The following GRIA2 variants were observed in gnomAD, a reference collection of about 807,000 sequenced individuals.
GRIA2 encodes the protein glutamate ionotropic receptor AMPA type subunit 2.
GRIA2 carries 14 observed loss-of-function variants against 97.3 expected under a neutral mutation model. The ratio of observed to expected loss-of-function variants is 0.14; its 90% confidence interval spans 0.10 to 0.23. The LOEUF (loss-of-function observed/expected upper bound fraction) is 0.23. Among genes scored for constraint, GRIA2 ranks in the 10% least tolerant of loss-of-function variants. The pLI, the probability that GRIA2 is intolerant of heterozygous loss-of-function variation, is 1.00. For synonymous variants in GRIA2, 412 were observed against 387.8 expected, an observed-to-expected ratio of 1.06 and a Z score of -0.73; for missense variants, 558 against 1,069.8, an observed-to-expected ratio of 0.52 and a Z score of 6.67.
intron 4 of GRIA2, 36 bp downstream of exon 4, chr4:157,312,911 T>A: frequency 1.6e-6 from 2 of 1,223,162 alleles, no homozygotes; most frequent in Non-Finnish European, 2.3e-6. Context: ...ATGCCAGATA[T>A]AGAATATGCA....
At chr4:157,317,597 C>A (rs1034217293) in intron 4 of GRIA2, 61 bp from the exon 5 acceptor site, 13 of 675,278 alleles carry the variant, frequency 1.9e-5, no homozygotes, top group East Asian at 3.0e-5. Flanking sequence ...ATCATAATAC[C>A]ATTAATTTTA....
intron 2 of GRIA2, among the ~76,000 whole-genome samples, chr4:157,285,459 C>T (rs1476992543): frequency 1.3e-5 from 2 of 151,246 alleles, no homozygotes; most frequent in Admixed American, 6.6e-5. Flanking sequence ...CTTACACTAC[C>T]TTTTCCTATA....
intron 2 of GRIA2, among the ~76,000 whole-genome samples, chr4:157,244,648 A>T (rs761000791): frequency 2.4e-4 from 36 of 152,018 alleles, no homozygotes; most frequent in Non-Finnish European, 3.7e-4. Flanking sequence ...GTCCTATATA[A>T]AAGAGGCTAC....
At chr4:157,263,801 T>C (rs1332225503) in intron 2 of GRIA2, among the ~76,000 whole-genome samples, 5 of 152,096 alleles carry the variant, frequency 3.3e-5, no homozygotes, top group Non-Finnish European at 5.9e-5. Flanking sequence ...GTCAGGAAGA[T>C]GAAGTTCTCT....
At chr4:157,352,499 C>T (rs866054771) in intron 12 of GRIA2, among the ~76,000 whole-genome samples, 5 of 151,526 alleles carry the variant, frequency 3.3e-5, no homozygotes, top group Admixed American at 1.3e-4. Flanking sequence ...AGGTGGATCA[C>T]GAGGTCAGGA....
chr4:157,340,339 G>A (rs545709183), intron 11 of GRIA2, among the ~76,000 whole-genome samples: 1 of 151,924 alleles, frequency 6.6e-6, no homozygotes, highest in South Asian at 2.1e-4. Context: ...ACTTAGTTAC[G>A]TGCAGAATCC....
At position 157,248,593 on chromosome 4, in the gene GRIA2, G is replaced by T. The variant is rs13114060; in HGVS notation, c.229+26786G>T. ...TGTGTATATATATACGTGTATATAT[G>T]TATATATATGTATATATACATGTAT... On this transcript the variant is annotated intron_variant, in intron 2 of 15. Coordinates refer to ENST00000264426, the MANE Select transcript of GRIA2 (RefSeq NM_001083619.3). Among the ~76,000 whole-genome samples, 15 of 2,676 alleles carry T rather than the reference G, an allele frequency of 5.6e-3. 1 individual carries two copies. The highest frequency in any genetic ancestry group is 0.012 in the African/African-American group (15 of 1,224). The allele number at this position is 2,676 out of a possible 152,430, so 1.8% of individuals were successfully genotyped here.
At chr4:157,222,228 T>C (rs1729531360) in intron 2 of GRIA2, among the ~76,000 whole-genome samples, 1 of 151,876 alleles carries the variant, frequency 6.6e-6, no homozygotes, top group Admixed American at 6.6e-5. Flanking sequence ...GTTGGACAAA[T>C]CCCACGAGGG....
chr4:157,304,345 A>G (rs1291895494), intron 3 of GRIA2, among the ~76,000 whole-genome samples: 2 of 152,162 alleles, frequency 1.3e-5, no homozygotes, highest in Non-Finnish European at 2.9e-5. Flanking sequence ...ACACCATTCC[A>G]CATAATTGTT....
intron 6 of GRIA2, among the ~76,000 whole-genome samples, chr4:157,327,140 TG>T (rs1734839110): frequency 6.6e-6 from 1 of 152,170 alleles, no homozygotes; most frequent in African/African-American, 2.4e-5. Flanking sequence ...GAGATATTTG[TG>T]GGTTAGAAAT....
rs548223072 is a variant in GRIA2, at chr4:157,236,815, C to T, written c.229+15008C>T. Among the ~76,000 whole-genome samples the T allele has an allele frequency of 6.6e-5, 10 of 152,024 alleles. No individual in the cohort carries two copies. The East Asian group carries it at 1.5e-3, about 24-fold the overall frequency. On this transcript the variant is annotated intron_variant, in intron 2 of 15. Coordinates refer to ENST00000264426, the MANE Select transcript of GRIA2 (RefSeq NM_001083619.3). ...AAACACACCTGTTCATTCCTTTGCC[C>T]GATTTTCTTTTGGGTTGTTGGTCTA...
chr4:157,283,473 TATAA>T (rs1438685994), intron 2 of GRIA2, among the ~76,000 whole-genome samples: 1 of 152,024 alleles, frequency 6.6e-6, no homozygotes, highest in Non-Finnish European at 1.5e-5. Flanking sequence ...ATGTAGGAAT[TATAA>T]ATATAGTAAT....
intron 2 of GRIA2, among the ~76,000 whole-genome samples, chr4:157,239,922 C>A (rs1337871308): frequency 6.6e-6 from 1 of 151,736 alleles, no homozygotes; most frequent in African/African-American, 2.4e-5. Flanking sequence ...ATATCTAATT[C>A]ATGTATTCTA....
intron 12 of GRIA2, among the ~76,000 whole-genome samples, chr4:157,343,495 T>G (rs1484451888): frequency 1.3e-5 from 2 of 152,054 alleles, no homozygotes; most frequent in Non-Finnish European, 2.9e-5. Flanking sequence ...GCTCTGTTCT[T>G]GGTTACATCC....
intron 6 of GRIA2, among the ~76,000 whole-genome samples, chr4:157,329,329 C>A (rs1423717395): frequency 6.6e-6 from 1 of 151,848 alleles, no homozygotes; most frequent in Admixed American, 6.6e-5. Flanking sequence ...GAATATCAAT[C>A]AATGTATAAA....
intron 3 of GRIA2, among the ~76,000 whole-genome samples, chr4:157,310,256 T>C (rs1402051877): frequency 2.0e-5 from 3 of 152,180 alleles, no homozygotes; most frequent in Non-Finnish European, 4.4e-5. Context: ...TGACATATGG[T>C]CTTTTTACAT....
At chr4:157,267,391 CAAAAAAAAA>C (rs772189197) in intron 2 of GRIA2, among the ~76,000 whole-genome samples, 2 of 51,828 alleles carry the variant, frequency 3.9e-5, no homozygotes, top group East Asian at 6.5e-4. Flanking sequence ...GACTCCATCT[CAAAAAAAAA>C]AAAAAAAAAA....
intron 13 of GRIA2, 124 bp downstream of exon 13, chr4:157,360,267 C>A: frequency 2.2e-6 from 2 of 891,682 alleles, no homozygotes; most frequent in Non-Finnish European, 3.4e-6. Flanking sequence ...ACAAAAATGA[C>A]CAAAAAACGT....
chr4:157,273,647 T>C (rs191459259), intron 2 of GRIA2, among the ~76,000 whole-genome samples: 141 of 152,122 alleles, frequency 9.3e-4, no homozygotes, highest in African/African-American at 3.2e-3. Context: ...ATATCTGAAC[T>C]TAAGGTTATG....
Sources: gnomAD v4.1 joint callset for allele counts (sites outside exome capture counted in the v4.1 genomes callset) on GRCh38, gnomAD v4.1.1 for gene constraint, MANE v1.5 for transcripts, NCBI Gene and HGNC (gene_info 2026-07-23, HGNC 2026-07-21) for gene names.